SLC8A1: variants seen among roughly 807,000 people sequenced by gnomAD.
SLC8A1 encodes the protein solute carrier family 8 member A1, also known as sodium/calcium exchanger 1.
Under a neutral mutation model 68.3 loss-of-function variants are expected in SLC8A1, and 18 were observed. The observed-to-expected ratio is 0.26, with a 90% CI of 0.18 to 0.39. SLC8A1 has a LOEUF of 0.39. Ranked by LOEUF, SLC8A1 falls within the 10% of genes least tolerant of loss-of-function variation. The probability of loss-of-function intolerance (pLI) is 1.00; values close to 1 mark genes in which losing one functional copy is unlikely to be tolerated. For synonymous variants in SLC8A1, 475 were observed against 415.5 expected (o/e 1.14, Z -1.74); for missense variants, 985 against 1,156.7 (o/e 0.85, Z 2.15).
intron 1 of SLC8A1, among the ~76,000 whole-genome samples, chr2:40,503,968 G>C (rs967911743): frequency 1.3e-5 from 2 of 151,876 alleles, no homozygotes; most frequent in African/African-American, 4.8e-5. Flanking sequence ...TAAAATTTAT[G>C]TGAGACTACA....
At chr2:40,423,247 C>T (rs1695988304) in intron 2 of SLC8A1, among the ~76,000 whole-genome samples, 3 of 151,980 alleles carry the variant, frequency 2.0e-5, no homozygotes, top group Non-Finnish European at 1.5e-5. Flanking sequence ...ATGCACATCC[C>T]ATTTTCCTTT....
intron 3 of SLC8A1, among the ~76,000 whole-genome samples, chr2:40,175,692 A>C (rs1029572036): frequency 6.6e-6 from 1 of 152,052 alleles, no homozygotes; most frequent in Non-Finnish European, 1.5e-5. Flanking sequence ...ATTGCCTCGG[A>C]TTTGGTCAAT....
intron 2 of SLC8A1, among the ~76,000 whole-genome samples, chr2:40,391,597 C>G (rs948987205): frequency 1.3e-5 from 2 of 151,986 alleles, no homozygotes; most frequent in African/African-American, 4.8e-5. Context: ...GACTTTCATG[C>G]TCTTTCTTTC....
exon 8 of SLC8A1, chr2:40,112,338 G>T (rs191670219): frequency 6.8e-6 from 1 of 146,418 alleles, no homozygotes; most frequent in African/African-American, 2.6e-5. Flanking sequence ...TGCATTTCCC[G>T]CCCCCCCCCC....
At chr2:40,428,345 T>C in intron 2 of SLC8A1, 128 bp downstream of exon 2, 1 of 1,389,352 alleles carries the variant, frequency 7.2e-7, no homozygotes, top group Non-Finnish European at 9.3e-7. Context: ...AGGGATCTTG[T>C]ATAAAAGCTA....
intron 1 of SLC8A1, among the ~76,000 whole-genome samples, chr2:40,494,252 G>A (rs2149928080): frequency 6.6e-6 from 1 of 152,084 alleles, no homozygotes; most frequent in East Asian, 1.9e-4. Context: ...TAGCTTTTAA[G>A]AAAACCCTGT....
intron 2 of SLC8A1, among the ~76,000 whole-genome samples, chr2:40,391,882 T>A (rs988952826): frequency 1.3e-5 from 2 of 152,134 alleles, no homozygotes; most frequent in African/African-American, 4.8e-5. Context: ...AGGCTTCATT[T>A]CTACCAATAT....
rs572258156 is a variant in SLC8A1 at position 40,350,587 on chromosome 2, CAAAAAAAAAAAAAAAAAAAAA to C, written c.1808+77865_1808+77885del. Among the ~76,000 whole-genome samples the C allele has an allele frequency of 1.8e-4, 14 of 76,224 alleles. 2 individuals carry two copies. Among genetic ancestry groups the C allele is most frequent in the African/African-American group, 5.3e-4 (12 of 22,538 alleles). The allele number at this position is 76,224 out of a possible 152,430, so 50.0% of individuals were successfully genotyped here. On this transcript the variant is annotated intron_variant, in intron 2 of 7. Coordinates refer to ENST00000406785, the Ensembl canonical transcript of SLC8A1. ...ATTACTTCTCACGCACCCAGACAAG[CAAAAAAAAAAAAAAAAAAAAA>C]AAAAAAAAAAAAGGCATTTCCATGT...
Position 40,312,677 on chromosome 2 carries a change from A to G in SLC8A1, c.1808+115796T>C, listed in dbSNP as rs142081251. On this transcript the variant is annotated intron_variant, in intron 2 of 7. Coordinates refer to ENST00000406785, the Ensembl canonical transcript of SLC8A1. ...TGGGTCACATACATTGGAAAATACAAGATAAGATTGCATACCAAGTTAATC... is the reference window on the plus strand; with the variant it reads ...TGGGTCACATACATTGGAAAATACAGGATAAGATTGCATACCAAGTTAATC... 1.1e-4 allele frequency among the ~76,000 whole-genome samples: 17 copies of G among 152,238 alleles called. 1 individual carries two copies. In the East Asian group the frequency reaches 3.3e-3, roughly 29 times the overall value.
chr2:40,110,270 T>C (rs2034478906), exon 8 of SLC8A1: 1 of 152,176 alleles, frequency 6.6e-6, no homozygotes, highest in African/African-American at 2.4e-5. Context: ...CTATTTCAAT[T>C]GTTTACCCTT....
rs566962607 is a variant in SLC8A1, at chr2:40,323,694, G to T, written c.1808+104779C>A. Among the ~76,000 whole-genome samples, 7 of 152,106 alleles carry T rather than the reference G, an allele frequency of 4.6e-5. No homozygotes were observed. The South Asian group carries it at 1.5e-3, about 32-fold the overall frequency. On this transcript the variant is annotated intron_variant, in intron 2 of 7. Transcript: ENST00000406785. Reference sequence around the variant, plus strand: ...TCCCAATGCCCAGTTCCTAAGGGGGGAAATACAACAAAAACAAACCCTCCT... The same window carrying T: ...TCCCAATGCCCAGTTCCTAAGGGGGTAAATACAACAAAAACAAACCCTCCT...
chr2:40,149,177 A>G lies in SLC8A1; in HGVS notation c.2162-9501T>C, dbSNP rs11684540. Among the ~76,000 whole-genome samples the G allele has an allele frequency of 3.3e-3, 501 of 152,318 alleles. 2 individuals carry two copies. Among genetic ancestry groups the G allele is most frequent in the Non-Finnish European group, 5.8e-3 (394 of 68,032 alleles). On this transcript the variant is annotated intron_variant, in intron 6 of 7. Transcript: ENST00000406785. ...GGCTGAACCCCTAACCTGGACCTCTAGGAAATCTTCAAAGGGAATGGGATG... is the reference window on the plus strand; with the variant it reads ...GGCTGAACCCCTAACCTGGACCTCTGGGAAATCTTCAAAGGGAATGGGATG...
At chr2:40,306,434 TAAAA>T (rs2072609545) in intron 2 of SLC8A1, among the ~76,000 whole-genome samples, 1 of 139,666 alleles carries the variant, frequency 7.2e-6, no homozygotes, top group Non-Finnish European at 1.5e-5. Flanking sequence ...TAAGGATAAA[TAAAA>T]AAAGGAATGG....
intron 2 of SLC8A1, among the ~76,000 whole-genome samples, chr2:40,232,877 C>A (rs1278112142): frequency 1.4e-5 from 2 of 146,560 alleles, no homozygotes; most frequent in African/African-American, 5.1e-5. Flanking sequence ...CGATAGTTTA[C>A]TGAGAATGAT....
intron 2 of SLC8A1, 148 bp downstream of exon 2, chr2:40,428,325 A>C: frequency 1.5e-6 from 2 of 1,349,372 alleles, no homozygotes; most frequent in African/African-American, 1.5e-5. Context: ...GCAAAGACTG[A>C]TATCTTGAAA....
intron 2 of SLC8A1, among the ~76,000 whole-genome samples, chr2:40,253,154 CATATATATGTATATACACACAA>C (rs1400764021): frequency 8.4e-6 from 1 of 118,564 alleles, no homozygotes; most frequent in East Asian, 2.3e-4. Flanking sequence ...TATATACATA[CATATATATGTATATACACACAA>C]ATATACATAT....
intron 2 of SLC8A1, among the ~76,000 whole-genome samples, chr2:40,302,605 T>C (rs2071734361): frequency 6.7e-6 from 1 of 149,892 alleles, no homozygotes; most frequent in South Asian, 2.1e-4. Context: ...GTATGATATA[T>C]ATATATATAA....
intron 4 of SLC8A1, among the ~76,000 whole-genome samples, chr2:40,169,808 G>T (rs1280283931): frequency 6.6e-6 from 1 of 152,062 alleles, no homozygotes; most frequent in East Asian, 1.9e-4. Context: ...GGGCATGGTG[G>T]TACACACCTA....
intron 2 of SLC8A1, among the ~76,000 whole-genome samples, chr2:40,308,697 G>A (rs1255121658): frequency 2.6e-5 from 4 of 152,018 alleles, no homozygotes; most frequent in Admixed American, 1.3e-4. Context: ...TATTGGGCTC[G>A]CAGTTATTTC....
Sources: allele counts gnomAD v4.1 joint callset (sites outside exome capture counted in the v4.1 genomes callset), GRCh38; gene constraint gnomAD v4.1.1; transcripts MANE v1.5; gene names NCBI Gene and HGNC (gene_info 2026-07-23, HGNC 2026-07-21).